PRKG1: variants seen among roughly 807,000 people sequenced by gnomAD.
PRKG1 encodes the protein protein kinase cGMP-dependent 1.
In PRKG1, 35 loss-of-function variants were observed where a neutral mutation model predicts 88.1. The ratio of observed to expected loss-of-function variants is 0.40; its 90% confidence interval spans 0.30 to 0.53. The LOEUF (loss-of-function observed/expected upper bound fraction) is 0.53. Among genes scored for constraint, PRKG1 ranks in the 20% least tolerant of loss-of-function variants. The probability of loss-of-function intolerance (pLI) is 0.59; values close to 1 mark genes in which losing one functional copy is unlikely to be tolerated. For missense variants in PRKG1, 540 were observed against 839.8 expected, an observed-to-expected ratio of 0.64 and a Z score of 4.41; for synonymous variants, 303 against 292.5, an observed-to-expected ratio of 1.04 and a Z score of -0.37.
chr10:52,001,686 T>C (rs947032757), intron 5 of PRKG1, among the ~76,000 whole-genome samples: 2 of 151,948 alleles, frequency 1.3e-5, no homozygotes, highest in Non-Finnish European at 2.9e-5. Flanking sequence ...AAAAATGTAT[T>C]GAAACAAAAA....
intron 10 of PRKG1, among the ~76,000 whole-genome samples, chr10:52,266,110 C>T (rs915404534): frequency 7.9e-5 from 12 of 151,766 alleles, no homozygotes; most frequent in African/African-American, 1.2e-4. Context: ...TTCCTATATA[C>T]GCTGAACCCA....
intron 4 of PRKG1, among the ~76,000 whole-genome samples, chr10:51,828,826 G>A (rs947677196): frequency 5.9e-5 from 9 of 152,150 alleles, no homozygotes; most frequent in African/African-American, 2.2e-4. Context: ...GAATAAAAAT[G>A]TTCAAGAAAC....
chr10:52,118,892 A>G (rs1220824443), intron 7 of PRKG1, among the ~76,000 whole-genome samples: 1 of 152,114 alleles, frequency 6.6e-6, no homozygotes, highest in Non-Finnish European at 1.5e-5. Flanking sequence ...TTAACTTTAT[A>G]CTATAATTTT....
chr10:51,340,124 A>G (rs1359816436), intron 2 of PRKG1, among the ~76,000 whole-genome samples: 2 of 152,138 alleles, frequency 1.3e-5, no homozygotes, highest in African/African-American at 4.8e-5. Context: ...ACTTTTTGAA[A>G]TAGTTGCCAC....
At chr10:51,131,458 G>A (rs991944589) in intron 1 of PRKG1, among the ~76,000 whole-genome samples, 1 of 152,146 alleles carries the variant, frequency 6.6e-6, no homozygotes, top group African/African-American at 2.4e-5. Context: ...TAAAACGGAA[G>A]ATGATGGGCT....
intron 1 of PRKG1, among the ~76,000 whole-genome samples, chr10:50,994,378 G>A (rs1842811636): frequency 6.8e-6 from 1 of 147,568 alleles, no homozygotes; most frequent in African/African-American, 2.5e-5. Flanking sequence ...TTGACAAGTA[G>A]ATATTCCATC....
chr10:52,225,085 G>A (rs1161934450), intron 9 of PRKG1, among the ~76,000 whole-genome samples: 5 of 151,918 alleles, frequency 3.3e-5, no homozygotes, highest in Admixed American at 3.3e-4. Flanking sequence ...GGCCGTACTA[G>A]TCTACATTCC....
intron 2 of PRKG1, among the ~76,000 whole-genome samples, chr10:51,218,792 C>T (rs534860918): frequency 6.6e-6 from 1 of 151,376 alleles, no homozygotes; most frequent in East Asian, 1.9e-4. Context: ...TAACGGTTAG[C>T]CCAATGCCTA....
At position 51,455,047 on chromosome 10, in the gene PRKG1, T is replaced by A. The variant is rs891668953; in HGVS notation, c.479-12676T>A. Among the ~76,000 whole-genome samples, 3 of 152,228 alleles carry A rather than the reference T, an allele frequency of 2.0e-5. No homozygotes were observed. In the East Asian group the frequency reaches 5.8e-4, roughly 29 times the overall value. On this transcript the variant is annotated intron_variant, in intron 2 of 17. Transcript: ENST00000373980. ...TCATGTATGTATGCATTCCCATACA[T>A]CCTCTGAAATCTAGGCAGAGGTTCC...
intron 5 of PRKG1, among the ~76,000 whole-genome samples, chr10:51,943,121 T>C (rs1179245227): frequency 2.0e-5 from 3 of 152,070 alleles, no homozygotes; most frequent in African/African-American, 7.3e-5. Context: ...TATCCTCTTT[T>C]ATTTCATTGA....
At chr10:51,745,406 C>T (rs923837090) in intron 3 of PRKG1, among the ~76,000 whole-genome samples, 3 of 152,098 alleles carry the variant, frequency 2.0e-5, no homozygotes, top group African/African-American at 7.2e-5. Context: ...ACCTTCTACC[C>T]ATGATGTTTT....
intron 2 of PRKG1, among the ~76,000 whole-genome samples, chr10:51,331,478 G>T (rs1208213721): frequency 2.6e-5 from 4 of 152,184 alleles, no homozygotes; most frequent in Non-Finnish European, 5.9e-5. Flanking sequence ...CAGACCCAGT[G>T]TTGGGGTCCA....
At chr10:52,055,086 A>G (rs950872155) in intron 6 of PRKG1, among the ~76,000 whole-genome samples, 18 of 152,316 alleles carry the variant, frequency 1.2e-4, no homozygotes, top group Admixed American at 7.8e-4. Flanking sequence ...CAGTGAGCCA[A>G]GATGGTGCCA....
chr10:51,652,747 T>A (rs1840070694), intron 3 of PRKG1, among the ~76,000 whole-genome samples: 1 of 152,226 alleles, frequency 6.6e-6, no homozygotes, highest in Non-Finnish European at 1.5e-5. Context: ...ATATTTAAAA[T>A]CTATTACTTT....
chr10:51,947,479 G>A lies in PRKG1; in HGVS notation c.762+39909G>A, dbSNP rs574764337. 2.0e-4 allele frequency among the ~76,000 whole-genome samples: 30 copies of A among 152,182 alleles called. No homozygotes were observed. The South Asian group carries it at 4.1e-3, about 21-fold the overall frequency. The stretch of plus-strand genomic sequence containing the variant: ...TGGTGCGCTGCACCCACTGTCTTCC[G>A]CCCACTGTCTGGCACTCCCTAGTGA... On this transcript the variant is annotated intron_variant, in intron 5 of 17. Coordinates refer to ENST00000373980, the MANE Select transcript of PRKG1 (RefSeq NM_006258.4).
chr10:51,701,189 A>T (rs1841456710), intron 3 of PRKG1, among the ~76,000 whole-genome samples: 1 of 152,232 alleles, frequency 6.6e-6, no homozygotes. Flanking sequence ...AGATTGCATT[A>T]TACTTCTGTG....
At chr10:52,268,704 C>T (rs10824310) in intron 10 of PRKG1, among the ~76,000 whole-genome samples, 7,547 of 151,998 alleles carry the variant, frequency 0.05, 270 homozygotes, top group South Asian at 0.19. Context: ...AAAACCTGAA[C>T]ATGAATCCAT....
At chr10:51,211,092 C>T (rs538670022) in intron 2 of PRKG1, among the ~76,000 whole-genome samples, 111 of 152,262 alleles carry the variant, frequency 7.3e-4, no homozygotes, top group African/African-American at 2.4e-3. Flanking sequence ...ACGAATCCAG[C>T]AACACATCAA....
chr10:51,923,167 C>A (rs776767071), intron 5 of PRKG1, among the ~76,000 whole-genome samples: 4 of 151,934 alleles, frequency 2.6e-5, no homozygotes, highest in Non-Finnish European at 5.9e-5. Context: ...GTCCTGATAA[C>A]TTTTCTTGCT....
Sources: gnomAD v4.1 joint callset for allele counts (sites outside exome capture counted in the v4.1 genomes callset) on GRCh38, gnomAD v4.1.1 for gene constraint, MANE v1.5 for transcripts, NCBI Gene and HGNC (gene_info 2026-07-23, HGNC 2026-07-21) for gene names.